Variants in HELZ observed in about 807,000 individuals in gnomAD.
The protein encoded by HELZ is ATP-dependent RNA helicase with zinc finger domain.
A neutral mutation model predicts 218.2 loss-of-function variants in HELZ; 23 were observed. The ratio of observed to expected loss-of-function variants is 0.11; its 90% CI spans 0.08 to 0.15. The LOEUF (loss-of-function observed/expected upper bound fraction) is 0.15. Among genes scored for constraint, HELZ ranks in the 10% least tolerant of loss-of-function variants. The probability of loss-of-function intolerance (pLI) is 1.00; values close to 1 mark genes in which losing one functional copy is unlikely to be tolerated. For missense variants in HELZ, 1,813 were observed against 2,353.7 expected (o/e 0.77, Z 4.75); for synonymous variants, 814 against 829.4 (o/e 0.98, Z 0.32).
chr17:67,082,737 T>C (rs946867216), intron 32 of HELZ, among the ~76,000 whole-genome samples: 1 of 152,124 alleles, frequency 6.6e-6, no homozygotes, highest in Non-Finnish European at 1.5e-5. Flanking sequence ...TAAAATAATA[T>C]ATAAAATAAA....
intron 32 of HELZ, among the ~76,000 whole-genome samples, chr17:67,085,375 T>C (rs1014324391): frequency 2.0e-5 from 3 of 151,902 alleles, no homozygotes; most frequent in South Asian, 2.1e-4. Flanking sequence ...TGAGCCGAGA[T>C]TGCACTACTG....
At chr17:67,084,553 C>A (rs1476347708) in intron 32 of HELZ, among the ~76,000 whole-genome samples, 2 of 151,694 alleles carry the variant, frequency 1.3e-5, no homozygotes, top group African/African-American at 2.4e-5. Context: ...GTCCCAGCTA[C>A]GCGGGAGGCT....
intron 24 of HELZ, 172 bp downstream of exon 24, chr17:67,128,479 C>T (rs2037872487): frequency 1.5e-6 from 1 of 656,776 alleles, no homozygotes; most frequent in South Asian, 1.8e-5. Context: ...AAACACCATA[C>T]TGTATTTTCA....
At chr17:67,189,826 C>T in intron 10 of HELZ, 130 bp from the exon 11 acceptor site, 1 of 636,732 alleles carries the variant, frequency 1.6e-6, no homozygotes, top group Non-Finnish European at 2.8e-6. Context: ...TATTTTATAC[C>T]TTCATTTTCA....
chr17:67,085,096 G>A (rs1408341705), intron 32 of HELZ, among the ~76,000 whole-genome samples: 2 of 152,002 alleles, frequency 1.3e-5, no homozygotes, highest in African/African-American at 2.4e-5. Context: ...GACAGAGCGA[G>A]ACTCTGTCTC....
At chr17:67,134,379 C>CT (rs1261681189) in intron 23 of HELZ, among the ~76,000 whole-genome samples, 3 of 146,652 alleles carry the variant, frequency 2.0e-5, no homozygotes, top group Non-Finnish European at 3.0e-5. Flanking sequence ...GAGTGAAACT[C>CT]TGTCTCAAAA....
intron 28 of HELZ, among the ~76,000 whole-genome samples, chr17:67,113,393 G>A (rs374399450): frequency 3.3e-5 from 5 of 152,054 alleles, no homozygotes; most frequent in Admixed American, 3.3e-4. Context: ...CCGAGTAGCT[G>A]GGACTACAGG....
intron 10 of HELZ, 113 bp downstream of exon 10, chr17:67,190,044 A>T (rs1231547205): frequency 6.0e-6 from 5 of 826,478 alleles, no homozygotes; most frequent in African/African-American, 1.7e-5. Flanking sequence ...TATCAGAATC[A>T]AGTTCTTTGC....
chr17:67,099,999 T>G (rs1394531316), intron 31 of HELZ, among the ~76,000 whole-genome samples: 1 of 152,210 alleles, frequency 6.6e-6, no homozygotes, highest in Non-Finnish European at 1.5e-5. Context: ...CATACATTAA[T>G]GATCTCTTTG....
rs113533381 is a variant in HELZ at position 67,090,965 on chromosome 17, T to C, written c.5242-3884A>G. Among the ~76,000 whole-genome samples the C allele has an allele frequency of 6.3e-3, 953 of 152,220 alleles. 8 individuals carry two copies. Among genetic ancestry groups the C allele is most frequent in the African/African-American group, 0.021 (864 of 41,548 alleles). On this transcript the variant is annotated intron_variant, in intron 31 of 32. Transcript: ENST00000358691. ...TTCTAATTTCTTGGGGTATAAGTTT[T>C]GATTATTGATCTGAGATCTTACTTC...
chr17:67,203,450 T>C lies in HELZ; in HGVS notation c.248-7A>G. Reference sequence around the variant, plus strand: ...GCCAGTCCTTCTCCCAGCACTGCCATGAAAGAACAGCCATCATTAACCATA... The same window carrying C: ...GCCAGTCCTTCTCCCAGCACTGCCACGAAAGAACAGCCATCATTAACCATA... On this transcript the variant is annotated splice_region_variant and splice_polypyrimidine_tract_variant and intron_variant, in intron 5 of 32. Coordinates refer to ENST00000358691, the MANE Select transcript of HELZ (RefSeq NM_014877.4). 1 of 1,613,044 alleles carries C rather than the reference T, an allele frequency of 6.2e-7. No homozygotes were observed. The highest frequency in any genetic ancestry group is 8.5e-7 in the Non-Finnish European group (1 of 1,179,544).
intron 26 of HELZ, among the ~76,000 whole-genome samples, chr17:67,121,984 T>TA (rs1451777320): frequency 6.6e-6 from 1 of 152,266 alleles, no homozygotes; most frequent in East Asian, 1.9e-4. Flanking sequence ...TTAGCTCCGT[T>TA]AACTTTTAGC....
intron 32 of HELZ, among the ~76,000 whole-genome samples, chr17:67,083,246 G>A (rs2036254250): frequency 6.6e-6 from 1 of 152,148 alleles, no homozygotes; most frequent in Non-Finnish European, 1.5e-5. Context: ...GTCTAACCAT[G>A]AATACAAGAT....
chr17:67,142,725 G>A (rs1304058807), intron 21 of HELZ, among the ~76,000 whole-genome samples: 1 of 149,000 alleles, frequency 6.7e-6, no homozygotes, highest in Non-Finnish European at 1.5e-5. Context: ...ACAAAAAGCT[G>A]TACTAAGATA....
In HELZ at chr17:67,114,389, T is replaced by G; in HGVS notation, c.3853A>C (p.Asn1285His). The stretch of plus-strand genomic sequence containing the variant: ...TTATTAATTTCAGGTCCGGAATTAT[T>G]TGTATCACTTTTACCTAAGAAAATA... ...EQNRNGKSDT[N>H]NSGPEINKIR... Residue 1285 changes from asparagine (N) to histidine (H), a missense_variant, in exon 28 of 33, where the codon AAT becomes CAT. Physicochemically the swap from Asn to His is moderately conservative, Grantham distance 68. Transcript: ENST00000358691. 3 of 1,605,566 alleles carry G rather than the reference T, an allele frequency of 1.9e-6. No homozygotes were observed. Among genetic ancestry groups the G allele is most frequent in the Non-Finnish European group, 2.6e-6 (3 of 1,172,422 alleles).
At chr17:67,200,774 A>G (rs892330187) in intron 7 of HELZ, 1 of 215,692 alleles carries the variant, frequency 4.6e-6, no homozygotes, top group African/African-American at 2.3e-5. Flanking sequence ...GCTTGAGGAT[A>G]TCTCATTTTT....
intron 21 of HELZ, 35 bp from the exon 22 acceptor site, chr17:67,138,149 T>A: frequency 1.3e-6 from 2 of 1,504,376 alleles, no homozygotes; most frequent in Non-Finnish European, 1.8e-6. Flanking sequence ...ATATTAAAGT[T>A]ATCACCAATG....
chr17:67,106,952 A>G (rs893762219), intron 31 of HELZ, among the ~76,000 whole-genome samples: 4 of 152,254 alleles, frequency 2.6e-5, no homozygotes, highest in Non-Finnish European at 2.9e-5. Flanking sequence ...AACAGCAATA[A>G]AAGACTTTTA....
intron 28 of HELZ, 66 bp from the exon 29 acceptor site, chr17:67,109,752 C>G: frequency 8.2e-7 from 1 of 1,216,182 alleles, no homozygotes; most frequent in Non-Finnish European, 1.2e-6. Context: ...TCCACCTTTT[C>G]CCAACCCTAA....
Sources: gnomAD v4.1 joint callset for allele counts (sites outside exome capture counted in the v4.1 genomes callset) on GRCh38, gnomAD v4.1.1 for gene constraint, MANE v1.5 for transcripts, NCBI Gene and HGNC (gene_info 2026-07-23, HGNC 2026-07-21) for gene names.